The following FSTL4 variants were observed in gnomAD, a reference collection of about 807,000 sequenced individuals.
FSTL4 encodes follistatin like 4, also known as follistatin-related protein 4.
A neutral mutation model predicts 78.2 loss-of-function variants in FSTL4; 28 were observed. That is an observed-to-expected ratio of 0.36 (90% CI 0.27 to 0.49). FSTL4 has a LOEUF of 0.49. FSTL4 is among the 20% of genes least tolerant of loss of function. The probability of loss-of-function intolerance (pLI) is 0.98; values close to 1 mark genes in which losing one functional copy is unlikely to be tolerated. For synonymous variants in FSTL4, 422 were observed against 440.5 expected (o/e 0.96, Z 0.53); for missense variants, 922 against 1,084.9 (o/e 0.85, Z 2.11).
intron 3 of FSTL4, among the ~76,000 whole-genome samples, chr5:133,473,223 A>G (rs1009776578): frequency 2.7e-5 from 4 of 147,436 alleles, no homozygotes; most frequent in African/African-American, 1.1e-4. Context: ...CTCTGATTTG[A>G]AAAGAAAAGA....
chr5:133,252,437 C>G (rs1752280840), intron 6 of FSTL4, among the ~76,000 whole-genome samples: 1 of 152,078 alleles, frequency 6.6e-6, no homozygotes, highest in South Asian at 2.1e-4. Flanking sequence ...GCCCCTCTGC[C>G]TCAGGCTGAT....
chr5:133,606,965 A>G (rs405954), intron 1 of FSTL4, among the ~76,000 whole-genome samples: 64,346 of 152,062 alleles, frequency 0.42, 14,081 homozygotes, highest in African/African-American at 0.53. Context: ...TGTGTTTCAG[A>G]AGGCCCAAGA....
chr5:133,358,445 G>A (rs1384055685), intron 4 of FSTL4, among the ~76,000 whole-genome samples: 1 of 152,148 alleles, frequency 6.6e-6, no homozygotes, highest in Non-Finnish European at 1.5e-5. Context: ...GCAGGACTCT[G>A]AGAGCAAAGG....
chr5:133,472,556 G>T (rs532301222), intron 3 of FSTL4, among the ~76,000 whole-genome samples: 2 of 152,186 alleles, frequency 1.3e-5, no homozygotes, highest in African/African-American at 2.4e-5. Flanking sequence ...GGGTAAAAAA[G>T]GAGAATTTAT....
chr5:133,396,707 A>G (rs928743130), intron 4 of FSTL4, among the ~76,000 whole-genome samples: 8 of 152,194 alleles, frequency 5.3e-5, no homozygotes, highest in African/African-American at 1.2e-4. Flanking sequence ...AGTAACAACA[A>G]CAGCAACAAA....
the FSTL4 span, among the ~76,000 whole-genome samples, chr5:133,716,524 C>T: frequency 1.3e-5 from 2 of 152,134 alleles, no homozygotes; most frequent in African/African-American, 4.8e-5. Context: ...AGCTTCCCTG[C>T]AGTCAGGCAG....
At chr5:133,725,165 C>T in the FSTL4 span, among the ~76,000 whole-genome samples, 1 of 152,124 alleles carries the variant, frequency 6.6e-6, no homozygotes, top group Non-Finnish European at 1.5e-5. Context: ...CAACACTGTT[C>T]TTCTTTTTTA....
At chr5:133,754,926 T>C in the FSTL4 span, among the ~76,000 whole-genome samples, 1 of 152,240 alleles carries the variant, frequency 6.6e-6, no homozygotes, top group East Asian at 1.9e-4. Context: ...CTGGGTTCCT[T>C]CGTGTACATT....
At chr5:133,310,905 G>A (rs1753762942) in intron 6 of FSTL4, among the ~76,000 whole-genome samples, 1 of 152,184 alleles carries the variant, frequency 6.6e-6, no homozygotes, top group East Asian at 1.9e-4. Flanking sequence ...AATCATCAAG[G>A]AGTCTCAGTG....
At chr5:133,390,358 C>G (rs779826377) in intron 4 of FSTL4, among the ~76,000 whole-genome samples, 13 of 152,376 alleles carry the variant, frequency 8.5e-5, no homozygotes, top group South Asian at 6.2e-4. Flanking sequence ...ATGAGCACAA[C>G]AAGAAGAAAA....
chr5:133,474,329 T>C (rs1714467631), intron 3 of FSTL4, among the ~76,000 whole-genome samples: 1 of 120,114 alleles, frequency 8.3e-6, no homozygotes, highest in Non-Finnish European at 1.7e-5. Flanking sequence ...GGCCAGGCTC[T>C]TGCTGAGAAC....
chr5:133,345,849 G>T (rs192755610), intron 4 of FSTL4, among the ~76,000 whole-genome samples: 103 of 152,270 alleles, frequency 6.8e-4, no homozygotes, highest in African/African-American at 2.4e-3. Flanking sequence ...TCAAGGATCT[G>T]GAACCAGAAA....
At chr5:133,725,454 T>G in the FSTL4 span, among the ~76,000 whole-genome samples, 13 of 152,304 alleles carry the variant, frequency 8.5e-5, no homozygotes, top group East Asian at 2.1e-3. Context: ...AGCCACCCAC[T>G]CCCTTTCTTC....
At chr5:133,351,264 T>G (rs941722132) in intron 4 of FSTL4, among the ~76,000 whole-genome samples, 129 of 152,284 alleles carry the variant, frequency 8.5e-4, no homozygotes, top group African/African-American at 2.7e-3. Context: ...GCTTTTAAGT[T>G]TTTCTCATTA....
chr5:133,752,485 C>T, the FSTL4 span, among the ~76,000 whole-genome samples: 6 of 152,040 alleles, frequency 3.9e-5, no homozygotes, highest in South Asian at 2.1e-4. Context: ...GTTGTGGTGG[C>T]GGGTGCCTGT....
chr5:133,650,638 G>T, the FSTL4 span, among the ~76,000 whole-genome samples: 1 of 152,036 alleles, frequency 6.6e-6, no homozygotes, highest in Admixed American at 6.6e-5. Flanking sequence ...CTGTTCCATT[G>T]ATCTATCTGT....
At chr5:133,696,519 C>T in the FSTL4 span, among the ~76,000 whole-genome samples, 20 of 152,332 alleles carry the variant, frequency 1.3e-4, no homozygotes, top group Non-Finnish European at 2.6e-4. Context: ...TCTGGCATGT[C>T]GTATCTCATT....
chr5:133,641,893 CT>C, the FSTL4 span, among the ~76,000 whole-genome samples: 1 of 150,840 alleles, frequency 6.6e-6, no homozygotes, highest in Admixed American at 6.6e-5. Context: ...TTCTTCCCCC[CT>C]CCTCTTCTTC....
the FSTL4 span, among the ~76,000 whole-genome samples, chr5:133,674,607 GTGTC>G: frequency 2.0e-5 from 3 of 148,122 alleles, no homozygotes; most frequent in Admixed American, 6.7e-5. Context: ...GTGTGTGTGT[GTGTC>G]TGTGTGTGTG....
Sources: allele counts gnomAD v4.1 joint callset (sites outside exome capture counted in the v4.1 genomes callset), GRCh38; gene constraint gnomAD v4.1.1; transcripts MANE v1.5; gene names NCBI Gene and HGNC (gene_info 2026-07-23, HGNC 2026-07-21).